The following TTC14 variants were observed in gnomAD, a reference collection of about 807,000 sequenced individuals.
TTC14 encodes tetratricopeptide repeat domain 14.
Under a neutral mutation model 79.9 loss-of-function variants are expected in TTC14, and 63 were observed. That is an observed-to-expected ratio of 0.79 (90% CI 0.64 to 0.97). The LOEUF is 0.97. Ranked by LOEUF, TTC14 falls within the 50% of genes least tolerant of loss-of-function variation. TTC14 has a pLI of 0.00. For synonymous variants in TTC14, 335 were observed against 309.6 expected (o/e 1.08, Z -0.86); for missense variants, 895 against 894.0 (o/e 1.00, Z -0.01).
chr3:180,605,770 A>C lies in TTC14; in HGVS notation c.862A>C (p.Asn288His), dbSNP rs745940503. 1.5e-5 allele frequency: 23 copies of C among 1,566,862 alleles called. No individual in the cohort carries two copies. Among genetic ancestry groups the C allele is most frequent in the Non-Finnish European group, 1.8e-5 (21 of 1,166,366 alleles). ...PSLMRGLQSKNFSEDDFASAL... is the reference protein window; with the variant it reads ...PSLMRGLQSKHFSEDDFASAL... ...AATTTTTATTTTCTTTAATAGCAAA[A>C]ATTTCTCTGAAGATGATTTTGCTTC... Residue 288 changes from asparagine (N) to histidine (H), a missense_variant, in exon 7 of 12, where the codon AAT (asparagine) becomes CAT (histidine). By Grantham distance (68) the Asn-to-His change is moderately conservative. Coordinates refer to ENST00000296015, the MANE Select transcript of TTC14 (RefSeq NM_133462.4).
chr3:180,609,558 T>C, intron 11 of TTC14, 72 bp from the exon 12 acceptor site: 3 of 1,401,218 alleles, frequency 2.1e-6, no homozygotes, highest in Non-Finnish European at 2.8e-6. Flanking sequence ...AGGAAACAAA[T>C]AGGGCCCACA....
chr3:180,617,111 T>C, intron 12 of TTC14: 1 of 569,814 alleles, frequency 1.8e-6, no homozygotes, highest in Non-Finnish European at 3.0e-6. Flanking sequence ...CTTAATGACA[T>C]CTCGGTCAAT....
rs1344169275 is a variant in TTC14 at position 180,604,905 on chromosome 3, A to G, written c.755A>G (p.Gln252Arg). The change falls in exon 6 of 12, where the codon CAG becomes CGG. Residue 252 changes from glutamine (Q) to arginine (R), a missense_variant. Gln to Arg is a conservative substitution (Grantham distance 43). Coordinates refer to ENST00000296015, the MANE Select transcript of TTC14 (RefSeq NM_133462.4). ...TTGGAGTCCTATGAAAATGTCATGC[A>G]GAGTTCCTTGGGATTTGTTAATCCA... ...NSLESYENVM[Q>R]SSLGFVNPGV... 1.2e-6 allele frequency: 2 copies of G among 1,614,094 alleles called. No homozygotes were observed. The highest frequency in any genetic ancestry group is 1.7e-6 in the Non-Finnish European group (2 of 1,180,000).
At chr3:180,603,798 C>T (rs1006711996) in intron 3 of TTC14, 44 of 220,754 alleles carry the variant, frequency 2.0e-4, no homozygotes, top group African/African-American at 1.0e-3. Flanking sequence ...ACTAATGTGT[C>T]ACGATAAAAG....
At chr3:180,602,457 A>T in intron 1 of TTC14, 35 bp downstream of exon 1, 1 of 1,562,466 alleles carries the variant, frequency 6.4e-7, no homozygotes, top group Non-Finnish European at 8.6e-7. Flanking sequence ...GCCACGGAAG[A>T]GGGGACGCAG....
rs1716954111 is a variant in TTC14 at position 180,610,663 on chromosome 3, AAAC to A, written c.*124_*126del. ...TAAAATTATTTGTAGAGATTACAGG[AAAC>A]AAATGCTTTTAAGTAAGTTTTTCTC... is the stretch of plus-strand genomic sequence containing the variant. On this transcript the variant is annotated 3_prime_UTR_variant, in exon 12 of 12. Coordinates refer to ENST00000296015, the MANE Select transcript of TTC14 (RefSeq NM_133462.4). The A allele has an allele frequency of 6.9e-7, 1 of 1,443,832 alleles. No homozygotes were observed. The highest frequency in any genetic ancestry group is 9.1e-7 in the Non-Finnish European group (1 of 1,102,812). 89.4% of individuals were successfully genotyped at this position (1,443,832 alleles called of 1,614,324 possible). A position where few individuals can be genotyped will look rare whatever the true frequency, so the allele number is the denominator to read the frequency against.
downstream of TTC14, among the ~76,000 whole-genome samples, chr3:180,616,088 G>C (rs58774466): frequency 0.19 from 28,234 of 152,158 alleles, 2,816 homozygotes; most frequent in Non-Finnish European, 0.21. Context: ...AAGTCAGAAG[G>C]AAATTCTTGT....
At chr3:180,615,991 C>A (rs971887368), downstream of TTC14, among the ~76,000 whole-genome samples, 1 of 152,090 alleles carries the variant, frequency 6.6e-6, no homozygotes. Context: ...CTAGATGTAG[C>A]CCCCAAATTT....
chr3:180,613,074 AAG>A (rs1717089688), downstream of TTC14, among the ~76,000 whole-genome samples: 1 of 152,224 alleles, frequency 6.6e-6, no homozygotes, highest in African/African-American at 2.4e-5. Context: ...CATTCAATGT[AAG>A]AGAATAGTAC....
At chr3:180,611,890 T>C (rs1717009240), downstream of TTC14, among the ~76,000 whole-genome samples, 1 of 152,172 alleles carries the variant, frequency 6.6e-6, no homozygotes, top group Non-Finnish European at 1.5e-5. Flanking sequence ...AACAGTAAAA[T>C]GTCCAGGCCT....
At position 180,604,859 on chromosome 3, in the gene TTC14, G is replaced by A. The variant is rs1716587271; in HGVS notation, c.709G>A (p.Val237Ile). Residue 237 changes from valine (V) to isoleucine (I), a missense_variant, in exon 6 of 12, where the codon GTT (valine) becomes ATT (isoleucine). Transcript: ENST00000296015. ...EELPLYYRRS[V>I]ELNSNSLESY... is the part of the protein sequence containing the mutation. ...TGTTTGTATTTTTTTAAGGAGAAGTGTTGAGCTAAATAGCAATTCTTTGGA... is the reference window on the plus strand; with the variant it reads ...TGTTTGTATTTTTTTAAGGAGAAGTATTGAGCTAAATAGCAATTCTTTGGA... The A allele has an allele frequency of 6.2e-7, 1 of 1,607,856 alleles. No individual in the cohort carries two copies. Among genetic ancestry groups the A allele is most frequent in the Non-Finnish European group, 8.5e-7 (1 of 1,178,100 alleles).
At chr3:180,608,972 T>C (rs1716843869) in intron 11 of TTC14, 162 bp downstream of exon 11, 3 of 1,174,796 alleles carry the variant, frequency 2.6e-6, no homozygotes, top group Non-Finnish European at 2.1e-6. Context: ...TATTTTCTTA[T>C]TAAAGAGATG....
At chr3:180,604,738 C>T in intron 5 of TTC14, 114 bp from the exon 6 acceptor site, 1 of 1,399,894 alleles carries the variant, frequency 7.1e-7, no homozygotes, top group East Asian at 2.3e-5. Flanking sequence ...ATTGCCACAC[C>T]ATCTTATGCA....
downstream of TTC14, among the ~76,000 whole-genome samples, chr3:180,613,432 GA>G (rs1717102624): frequency 6.6e-6 from 1 of 152,164 alleles, no homozygotes; most frequent in Admixed American, 6.6e-5. Context: ...GCTGGCCCAA[GA>G]ACCAAACCAT....
At chr3:180,613,484 A>G (rs1412306496), downstream of TTC14, among the ~76,000 whole-genome samples, 1 of 152,212 alleles carries the variant, frequency 6.6e-6, no homozygotes, top group Non-Finnish European at 1.5e-5. Flanking sequence ...CAACTCAGTA[A>G]GTAGAAGTTA....
chr3:180,617,497 C>T, exon 13 of TTC14: 1 of 673,812 alleles, frequency 1.5e-6, no homozygotes, highest in Non-Finnish European at 2.7e-6. Flanking sequence ...GTTACTGACC[C>T]TGAAGACCTT....
intron 12 of TTC14, chr3:180,616,309 A>G (rs1359790009): frequency 6.2e-7 from 1 of 1,613,352 alleles, no homozygotes; most frequent in African/African-American, 1.3e-5. Context: ...TGTGAAGGAG[A>G]TCTAGAGCTC....
intron 12 of TTC14, chr3:180,616,176 G>A (rs1717229832): frequency 1.2e-6 from 1 of 860,306 alleles, no homozygotes; most frequent in Non-Finnish European, 1.9e-6. Flanking sequence ...CACTGGCAGT[G>A]AGTGCATGGG....
chr3:180,608,164 T>C (rs1236669124), intron 10 of TTC14: 1 of 1,003,566 alleles, frequency 1.0e-6, no homozygotes, highest in East Asian at 1.1e-4. Context: ...AATTGGACCA[T>C]TGCTGCTGTG....
Sources: allele counts gnomAD v4.1 joint callset (sites outside exome capture counted in the v4.1 genomes callset), GRCh38; gene constraint gnomAD v4.1.1; transcripts MANE v1.5; gene names NCBI Gene and HGNC (gene_info 2026-07-23, HGNC 2026-07-21).